The following MARCHF3 variants were observed in gnomAD, a reference collection of about 807,000 sequenced individuals.
MARCHF3 encodes E3 ubiquitin-protein ligase MARCHF3.
A neutral mutation model predicts 24.2 loss-of-function variants in MARCHF3; 13 were observed. The ratio of observed to expected loss-of-function variants is 0.54; its 90% CI spans 0.35 to 0.85. The LOEUF is 0.85. Ranked by LOEUF, MARCHF3 falls within the 40% of genes least tolerant of loss-of-function variation. The probability of loss-of-function intolerance (pLI) is 0.01; values close to 1 mark genes in which losing one functional copy is unlikely to be tolerated. For missense variants in MARCHF3, 276 were observed against 325.0 expected, an observed-to-expected ratio of 0.85 and a Z score of 1.16; for synonymous variants, 144 against 137.3, an observed-to-expected ratio of 1.05 and a Z score of -0.34.
chr5:126,975,369 A>G (rs1751158184), intron 1 of MARCHF3, among the ~76,000 whole-genome samples: 3 of 152,226 alleles, frequency 2.0e-5, no homozygotes, highest in Non-Finnish European at 2.9e-5. Flanking sequence ...AATTGACACA[A>G]AATTATACAT....
intron 1 of MARCHF3, among the ~76,000 whole-genome samples, chr5:126,925,230 A>G (rs1337052086): frequency 6.6e-6 from 1 of 152,088 alleles, no homozygotes; most frequent in Admixed American, 6.6e-5. Flanking sequence ...AGTTAGAGGG[A>G]GAAAAAAAAC....
intron 1 of MARCHF3, among the ~76,000 whole-genome samples, chr5:126,975,373 T>C (rs1309537123): frequency 1.3e-5 from 2 of 152,246 alleles, no homozygotes; most frequent in Non-Finnish European, 2.9e-5. Context: ...GACACAAAAT[T>C]ATACATATTT....
chr5:126,928,593 AT>A (rs1256499113), intron 1 of MARCHF3, among the ~76,000 whole-genome samples: 1 of 152,086 alleles, frequency 6.6e-6, no homozygotes, highest in Non-Finnish European at 1.5e-5. Context: ...GAGATTTGTT[AT>A]TTTTTTCTTA....
intron 3 of MARCHF3, chr5:126,899,168 C>G (rs1209965442): frequency 1.1e-5 from 11 of 985,158 alleles, no homozygotes; most frequent in Middle Eastern, 1.0e-3. Context: ...AGTGGTGAGG[C>G]ACGCCACAGA....
intron 1 of MARCHF3, among the ~76,000 whole-genome samples, chr5:126,932,003 AAC>A (rs571799077): frequency 9.2e-4 from 140 of 152,366 alleles, no homozygotes; most frequent in Non-Finnish European, 1.8e-3. Context: ...CCCATCTCAG[AAC>A]ATTTGAGGAT....
intron 1 of MARCHF3, among the ~76,000 whole-genome samples, chr5:127,001,990 G>T (rs1752138496): frequency 6.6e-6 from 1 of 152,190 alleles, no homozygotes; most frequent in South Asian, 2.1e-4. Context: ...CATGCCACTA[G>T]AACACTACAG....
chr5:127,002,425 T>A (rs978345320), intron 1 of MARCHF3, among the ~76,000 whole-genome samples: 2 of 152,184 alleles, frequency 1.3e-5, no homozygotes, highest in African/African-American at 2.4e-5. Flanking sequence ...TGGTGACTCT[T>A]TCATTGAAAA....
At chr5:126,930,098 A>T (rs1023608444) in intron 1 of MARCHF3, among the ~76,000 whole-genome samples, 13 of 149,192 alleles carry the variant, frequency 8.7e-5, no homozygotes, top group African/African-American at 2.7e-4. Flanking sequence ...TATTGAAATT[A>T]AAAAAAAAAG....
chr5:126,926,249 C>T (rs1232729369), intron 1 of MARCHF3, among the ~76,000 whole-genome samples: 1 of 152,172 alleles, frequency 6.6e-6, no homozygotes, highest in Non-Finnish European at 1.5e-5. Context: ...TTTCCTCTTC[C>T]TCGTTTCACC....
intron 1 of MARCHF3, among the ~76,000 whole-genome samples, chr5:126,927,482 G>A (rs1365156763): frequency 6.6e-6 from 1 of 152,164 alleles, no homozygotes; most frequent in Non-Finnish European, 1.5e-5. Context: ...CCCACTCCCT[G>A]CACTTGCTCC....
intron 1 of MARCHF3, among the ~76,000 whole-genome samples, chr5:127,024,197 T>C (rs1206352210): frequency 6.6e-6 from 1 of 152,186 alleles, no homozygotes; most frequent in Non-Finnish European, 1.5e-5. Context: ...GAATGGATGA[T>C]ATAATAATTC....
At chr5:126,916,688 GACAGACACACACACACACACACACAC>G (rs1220567296) in intron 2 of MARCHF3, among the ~76,000 whole-genome samples, 8 of 76,442 alleles carry the variant, frequency 1.0e-4, no homozygotes, top group Admixed American at 3.0e-4. Flanking sequence ...CAGACAGACA[GACAGACACACACACACACACACACAC>G]ACACACACAC....
At chr5:126,951,448 G>T (rs1274253611) in intron 1 of MARCHF3, among the ~76,000 whole-genome samples, 1 of 152,086 alleles carries the variant, frequency 6.6e-6, no homozygotes, top group Non-Finnish European at 1.5e-5. Context: ...TCTCCATGTA[G>T]CCGAGTGGAG....
At chr5:126,898,499 T>C (rs984013923) in intron 3 of MARCHF3, among the ~76,000 whole-genome samples, 4 of 152,126 alleles carry the variant, frequency 2.6e-5, no homozygotes, top group Admixed American at 1.3e-4. Flanking sequence ...TAGAAAAATA[T>C]TGGAGCCATT....
At chr5:126,920,587 C>T (rs994683917) in intron 1 of MARCHF3, among the ~76,000 whole-genome samples, 14 of 152,122 alleles carry the variant, frequency 9.2e-5, no homozygotes, top group African/African-American at 3.4e-4. Context: ...GCCAAACACT[C>T]CCTCCCTCTA....
intron 1 of MARCHF3, among the ~76,000 whole-genome samples, chr5:126,953,816 C>T (rs540405238): frequency 7.9e-5 from 12 of 152,260 alleles, no homozygotes; most frequent in Non-Finnish European, 1.5e-4. Context: ...CTCTTTCTGA[C>T]GCTCTCATTA....
intron 1 of MARCHF3, among the ~76,000 whole-genome samples, chr5:127,011,944 G>A (rs1055718111): frequency 2.0e-5 from 3 of 152,186 alleles, no homozygotes; most frequent in Non-Finnish European, 2.9e-5. Flanking sequence ...TGGAATGGCC[G>A]ATTAAAAGGT....
chr5:127,026,959 T>G (rs1348044351), intron 1 of MARCHF3, among the ~76,000 whole-genome samples: 1 of 152,252 alleles, frequency 6.6e-6, no homozygotes, highest in African/African-American at 2.4e-5. Flanking sequence ...AGTCATTTGT[T>G]TTTTTAGCTA....
At chr5:127,003,166 G>A (rs1281332022) in intron 1 of MARCHF3, among the ~76,000 whole-genome samples, 3 of 151,786 alleles carry the variant, frequency 2.0e-5, no homozygotes, top group African/African-American at 7.3e-5. Context: ...AGCTTGGTAA[G>A]TGCGGTGTGA....
Sources: gnomAD v4.1 joint callset for allele counts (sites outside exome capture counted in the v4.1 genomes callset) on GRCh38, gnomAD v4.1.1 for gene constraint, MANE v1.5 for transcripts, NCBI Gene and HGNC (gene_info 2026-07-23, HGNC 2026-07-21) for gene names.